The following COPG1 variants were observed in gnomAD, a reference collection of about 807,000 sequenced individuals.
COPG1 encodes the protein coat protein complex I subunit gamma 1, also known as coatomer subunit gamma-1.
COPG1 carries 29 observed loss-of-function variants against 102.8 expected under a neutral mutation model. That is an observed-to-expected ratio of 0.28 (90% confidence interval 0.21 to 0.38). COPG1 has a LOEUF of 0.38. Among genes scored for constraint, COPG1 ranks in the 10% least tolerant of loss-of-function variants. The probability of loss-of-function intolerance (pLI) is 1.00; values close to 1 mark genes in which losing one functional copy is unlikely to be tolerated. For missense variants in COPG1, 875 were observed against 1,132.7 expected, an observed-to-expected ratio of 0.77 and a Z score of 3.27; for synonymous variants, 406 against 421.6, an observed-to-expected ratio of 0.96 and a Z score of 0.45.
intron 8 of COPG1, among the ~76,000 whole-genome samples, chr3:129,256,647 G>T (rs566627256): frequency 2.0e-5 from 3 of 152,236 alleles, no homozygotes; most frequent in Non-Finnish European, 2.9e-5. Context: ...CAGCAAGGAC[G>T]AGCTGAGATC....
At chr3:129,259,640 C>T (rs1019950231) in intron 10 of COPG1, among the ~76,000 whole-genome samples, 1 of 151,832 alleles carries the variant, frequency 6.6e-6, no homozygotes, top group Non-Finnish European at 1.5e-5. Context: ...GAATAAAAGC[C>T]AAGTTATGAA....
intron 12 of COPG1, 38 bp downstream of exon 12, chr3:129,260,845 G>A (rs778953711): frequency 9.4e-6 from 15 of 1,598,744 alleles, no homozygotes; most frequent in East Asian, 2.2e-5. Context: ...GCCCCCAGAG[G>A]AAGGAGCTCT....
chr3:129,258,658 A>G (rs951007484), intron 10 of COPG1, among the ~76,000 whole-genome samples: 26 of 152,150 alleles, frequency 1.7e-4, no homozygotes, highest in Non-Finnish European at 3.1e-4. Context: ...GGGTTTCACC[A>G]TATTGGCCAG....
chr3:129,254,955 C>T (rs761942923), intron 6 of COPG1, 30 bp from the exon 7 acceptor site: 2 of 1,581,898 alleles, frequency 1.3e-6, no homozygotes, highest in Non-Finnish European at 1.7e-6. Context: ...CTGACTGGAT[C>T]TCCTTCCACC....
At chr3:129,268,081 G>A (rs1940103854) in intron 16 of COPG1, 41 bp downstream of exon 16, 1 of 1,518,500 alleles carries the variant, frequency 6.6e-7, no homozygotes, top group Non-Finnish European at 9.1e-7. Context: ...GCACCTTACT[G>A]GAGCTGTGGT....
chr3:129,251,191 G>A (rs1365598921), intron 2 of COPG1, among the ~76,000 whole-genome samples: 1 of 150,958 alleles, frequency 6.6e-6, no homozygotes, highest in African/African-American at 2.4e-5. Context: ...CCAAAGTGCT[G>A]GGATTACAGG....
At position 129,268,528 on chromosome 3, in the gene COPG1, C is replaced by T. The variant is rs771841618; in HGVS notation, c.1682C>T (p.Ala561Val). Residue 561 changes from alanine to valine, a missense_variant, in exon 17 of 24, where the codon GCT becomes GTT. Ala to Val is a moderately conservative substitution (Grantham distance 64). Transcript: ENST00000314797. ...LTVSIPGLERALQQYTLEPSE... is the reference protein window; with the variant it reads ...LTVSIPGLERVLQQYTLEPSE... ...GTGTCCATCCCTGGTCTGGAGAGGG[C>T]TCTGCAGCAGTACACTCTAGAACCA... 12 of 1,614,048 alleles carry T rather than the reference C, an allele frequency of 7.4e-6. No homozygotes were observed. The highest frequency in any genetic ancestry group is 6.6e-5 in the South Asian group (6 of 91,088).
Position 129,267,092 on chromosome 3 carries a change from C to T in COPG1, c.1537C>T (p.Leu513=), listed in dbSNP as rs771016377. 4 of 1,613,380 alleles carry T rather than the reference C, an allele frequency of 2.5e-6. No homozygotes were observed. The African/African-American group carries it at 4.0e-5, about 16-fold the overall frequency. Residue 513 remains leucine (L), a synonymous_variant, in exon 15 of 24, where the codon CTG becomes TTG. Coordinates refer to ENST00000314797, the MANE Select transcript of COPG1 (RefSeq NM_016128.4). Reference sequence around the variant, plus strand: ...GATGTTACCCAGTATCTTGGTGTTGCTGAAGAGGTGAGTCTAGGCCCAGGG... The same window carrying T: ...GATGTTACCCAGTATCTTGGTGTTGTTGAAGAGGTGAGTCTAGGCCCAGGG... ...EEMLPSILVL[L]KRCVMDDDNE...
chr3:129,270,584 T>C (rs1269955813), intron 18 of COPG1, among the ~76,000 whole-genome samples: 1 of 152,206 alleles, frequency 6.6e-6, no homozygotes, highest in Non-Finnish European at 1.5e-5. Context: ...TCCTAATATC[T>C]AGCCTGGATT....
chr3:129,265,885 C>T, intron 14 of COPG1, 93 bp downstream of exon 14: 1 of 1,285,490 alleles, frequency 7.8e-7, no homozygotes, highest in East Asian at 2.5e-5. Context: ...GGGATTTGTG[C>T]ACTCAGTGTT....
chr3:129,250,919 T>A, intron 2 of COPG1, 185 bp downstream of exon 2: 1 of 483,298 alleles, frequency 2.1e-6, no homozygotes, highest in Non-Finnish European at 3.6e-6. Flanking sequence ...CTTCTTTTTT[T>A]TTTTTTTTTT....
At position 129,260,362 on chromosome 3, in the gene COPG1, G is replaced by A; in HGVS notation, c.901G>A (p.Ala301Thr). ...VLQLFCSSPK[A>T]ALRYAAVRTL... is the part of the protein sequence containing the mutation. ...CCAGCTTTTCTGCAGCTCACCCAAG[G>A]CTGCTCTCCGCTATGCTGCTGTTCG... Residue 301 changes from alanine to threonine, a missense_variant, in exon 11 of 24, where the codon GCT becomes ACT. Ala to Thr is a moderately conservative substitution (Grantham distance 58). Transcript: ENST00000314797. The A allele has an allele frequency of 6.2e-7, 1 of 1,614,136 alleles. No homozygotes were observed. The highest frequency in any genetic ancestry group is 8.5e-7 in the Non-Finnish European group (1 of 1,180,016).
chr3:129,268,848 C>A, intron 17 of COPG1, 84 bp from the exon 18 acceptor site: 2 of 1,317,568 alleles, frequency 1.5e-6, no homozygotes, highest in Non-Finnish European at 2.2e-6. Flanking sequence ...TATTTATAAT[C>A]CCTGAGTAAT....
At chr3:129,258,776 G>A (rs1939865231) in intron 10 of COPG1, among the ~76,000 whole-genome samples, 1 of 152,094 alleles carries the variant, frequency 6.6e-6, no homozygotes, top group African/African-American at 2.4e-5. Flanking sequence ...GTTATTAAGG[G>A]GAATCCAGCA....
At chr3:129,252,512 A>T (rs1939721082) in intron 3 of COPG1, 111 bp from the exon 4 acceptor site, 1 of 1,058,930 alleles carries the variant, frequency 9.4e-7, no homozygotes, top group African/African-American at 1.6e-5. Flanking sequence ...CAAGTCTCAT[A>T]TGTTGCCCTT....
intron 15 of COPG1, 122 bp from the exon 16 acceptor site, chr3:129,267,815 G>A (rs574376303): frequency 5.6e-5 from 39 of 697,972 alleles, no homozygotes; most frequent in African/African-American, 5.3e-5. Context: ...TCCACCCTCC[G>A]CCTGGGGCCA....
chr3:129,272,300 G>A lies in COPG1; in HGVS notation c.2043G>A (p.Met681Ile). 1.2e-6 allele frequency: 2 copies of A among 1,613,996 alleles called. No homozygotes were observed. The highest frequency in any genetic ancestry group is 1.7e-6 in the Non-Finnish European group (2 of 1,179,878). ...CCTTGGAGAATGTCACAGTGCAGAT[G>A]GAGCCCACTGAGGCCTATGAGGTGC... Reference protein sequence around the residue: ...DQTLENVTVQMEPTEAYEVLC... With the variant: ...DQTLENVTVQIEPTEAYEVLC... Residue 681 changes from methionine (M) to isoleucine (I), a missense_variant, in exon 20 of 24, where the codon ATG (methionine) becomes ATA (isoleucine). Transcript: ENST00000314797.
intron 12 of COPG1, among the ~76,000 whole-genome samples, chr3:129,261,301 C>A (rs555734708): frequency 6.6e-6 from 1 of 152,044 alleles, no homozygotes; most frequent in East Asian, 1.9e-4. Flanking sequence ...TGGGAAGGCC[C>A]TTCTGGAGGG....
intron 12 of COPG1, among the ~76,000 whole-genome samples, chr3:129,261,670 C>G (rs1274854236): frequency 6.6e-6 from 1 of 152,196 alleles, no homozygotes; most frequent in Non-Finnish European, 1.5e-5. Flanking sequence ...CAATGTCAAC[C>G]AGGAAAGTGA....
Sources: allele counts gnomAD v4.1 joint callset (sites outside exome capture counted in the v4.1 genomes callset), GRCh38; gene constraint gnomAD v4.1.1; transcripts MANE v1.5; gene names NCBI Gene and HGNC (gene_info 2026-07-23, HGNC 2026-07-21).